The following CRNKL1 variants were observed in gnomAD, a reference collection of about 807,000 sequenced individuals.
The protein encoded by CRNKL1 is crooked neck-like protein 1.
Under a neutral mutation model 103.7 loss-of-function variants are expected in CRNKL1, and 35 were observed. The ratio of observed to expected loss-of-function variants is 0.34; its 90% CI spans 0.26 to 0.45. The LOEUF is 0.45. Ranked by LOEUF, CRNKL1 falls within the 20% of genes least tolerant of loss-of-function variation. The pLI, the probability that CRNKL1 is intolerant of heterozygous loss-of-function variation, is 1.00. For missense variants in CRNKL1, 645 were observed against 836.0 expected, an observed-to-expected ratio of 0.77 and a Z score of 2.82; for synonymous variants, 267 against 282.6, an observed-to-expected ratio of 0.94 and a Z score of 0.55.
chr20:20,040,999 CT>C (rs2043503750), intron 9 of CRNKL1, among the ~76,000 whole-genome samples: 6 of 152,222 alleles, frequency 3.9e-5, no homozygotes, highest in Non-Finnish European at 7.3e-5. Flanking sequence ...ATGGTAACCT[CT>C]CCTGAGAACC....
At chr20:20,052,238 GAGGGATGCCCCTTTCCTAGGCCACCT>G in intron 1 of CRNKL1, 28 bp downstream of exon 1, 1 of 1,491,444 alleles carries the variant, frequency 6.7e-7, no homozygotes, top group Non-Finnish European at 9.1e-7. Context: ...CCTCAGGGCT[GAGGGATGCCCCTTTCCTAGGCCACCT>G]CCTACAAGGC....
At position 20,050,662 on chromosome 20, in the gene CRNKL1, C is replaced by G. The variant is rs769024175; in HGVS notation, c.52-40G>C. ...GACATTTCTATTTTTAGTAGTTGCT[C>G]TTCACACAAGGCTTAAGAAACAAAC... On this transcript the variant is annotated intron_variant, in intron 1 of 13. Coordinates refer to ENST00000536226, the MANE Select transcript of CRNKL1 (RefSeq NM_001278628.2). 3 of 1,562,458 alleles carry G rather than the reference C, an allele frequency of 1.9e-6. No individual in the cohort carries two copies. In the East Asian group the frequency reaches 6.8e-5, roughly 35 times the overall value.
chr20:20,042,502 A>G lies in CRNKL1; in HGVS notation c.987T>C (p.Asn329=). The G allele has an allele frequency of 6.2e-7, 1 of 1,607,682 alleles. No individual in the cohort carries two copies. The highest frequency in any genetic ancestry group is 8.5e-7 in the Non-Finnish European group (1 of 1,177,264). The change falls in exon 8 of 14, where the codon AAT becomes AAC. Residue 329 remains asparagine (N), a synonymous_variant. Transcript: ENST00000536226. ...GCAAGTAATCAAACCATGCATCATAATTGTGTGGATTCGCCTAGAAAGACA... is the reference window on the plus strand; with the variant it reads ...GCAAGTAATCAAACCATGCATCATAGTTGTGTGGATTCGCCTAGAAAGACA... ...YEEEVKANPH[N]YDAWFDYLRL...
upstream of CRNKL1, chr20:20,056,003 T>C: frequency 6.2e-7 from 1 of 1,608,958 alleles, no homozygotes; most frequent in Non-Finnish European, 8.5e-7. Context: ...GGTTCTCCAC[T>C]GTTGCCGTCA....
chr20:20,038,512 AG>A, intron 11 of CRNKL1, 62 bp from the exon 12 acceptor site: 8 of 912,172 alleles, frequency 8.8e-6, no homozygotes, highest in Non-Finnish European at 1.4e-5. Context: ...CCCCATCCAA[AG>A]CACAGCTGAA....
chr20:20,049,518 T>C (rs899783245), intron 2 of CRNKL1, 87 bp from the exon 3 acceptor site: 1 of 671,880 alleles, frequency 1.5e-6, no homozygotes, highest in Non-Finnish European at 2.6e-6. Context: ...TGTACTAAAA[T>C]GGTTATTCAT....
At chr20:20,055,824 G>T, upstream of CRNKL1, 1 of 708,472 alleles carries the variant, frequency 1.4e-6, no homozygotes, top group Non-Finnish European at 2.4e-6. Context: ...CCTGTTTTGA[G>T]CTCACTGGCT....
intron 5 of CRNKL1, among the ~76,000 whole-genome samples, chr20:20,046,216 T>C (rs906552888): frequency 5.3e-5 from 8 of 152,220 alleles, no homozygotes; most frequent in Non-Finnish European, 8.8e-5. Context: ...CCAGTCAAGC[T>C]ACTTAATCTC....
At chr20:20,054,134 C>T (rs967678221), upstream of CRNKL1, among the ~76,000 whole-genome samples, 11 of 150,390 alleles carry the variant, frequency 7.3e-5, no homozygotes, top group African/African-American at 2.0e-4. Flanking sequence ...TCTTGTATTC[C>T]ACTTCTTTCT....
intron 11 of CRNKL1, chr20:20,038,672 C>T (rs2043462103): frequency 2.5e-6 from 1 of 394,404 alleles, no homozygotes; most frequent in Non-Finnish European, 4.5e-6. Context: ...TGGATTCAGT[C>T]TTAGAGATTC....
At position 20,043,475 on chromosome 20, in the gene CRNKL1, T is replaced by C. The variant is rs899935810; in HGVS notation, c.972+17A>G. 1.2e-6 allele frequency: 2 copies of C among 1,609,488 alleles called. No homozygotes were observed. Among genetic ancestry groups the C allele is most frequent in the Non-Finnish European group, 1.7e-6 (2 of 1,176,150 alleles). On this transcript the variant is annotated intron_variant, in intron 7 of 13. Coordinates refer to ENST00000536226, the MANE Select transcript of CRNKL1 (RefSeq NM_001278628.2). Reference sequence around the variant, plus strand: ...CTTGGGTTATCTGCAGAGTTGACCATCCACACCAGTGCTCACCTTCACTTC... The same window carrying C: ...CTTGGGTTATCTGCAGAGTTGACCACCCACACCAGTGCTCACCTTCACTTC...
At chr20:20,041,721 C>T (rs1304561675) in intron 8 of CRNKL1, 96 bp from the exon 9 acceptor site, 1 of 878,904 alleles carries the variant, frequency 1.1e-6, no homozygotes, top group Non-Finnish European at 1.9e-6. Flanking sequence ...TAAAAATGTA[C>T]ACCCCCAAAA....
chr20:20,039,577 A>C (rs774890940), intron 11 of CRNKL1, 32 bp downstream of exon 11: 9 of 1,611,090 alleles, frequency 5.6e-6, no homozygotes, highest in Non-Finnish European at 7.6e-6. Context: ...CACGTATCTC[A>C]AACAAAATTA....
At chr20:20,052,723 C>A, upstream of CRNKL1, 1 of 1,602,922 alleles carries the variant, frequency 6.2e-7, no homozygotes, top group South Asian at 1.1e-5. Flanking sequence ...CCGTGGCGCC[C>A]TGCAAGGGAG....
intron 8 of CRNKL1, among the ~76,000 whole-genome samples, chr20:20,041,998 T>G (rs1423881868): frequency 1.3e-5 from 2 of 152,190 alleles, no homozygotes; most frequent in African/African-American, 4.8e-5. Flanking sequence ...CCAGAATTAC[T>G]CCTATTAATG....
At chr20:20,037,914 T>C (rs1568756280) in intron 12 of CRNKL1, among the ~76,000 whole-genome samples, 3 of 151,988 alleles carry the variant, frequency 2.0e-5, no homozygotes, top group African/African-American at 7.3e-5. Context: ...GGTGAAACCC[T>C]GTCTCTATTA....
At position 20,037,547 on chromosome 20, in the gene CRNKL1, C is replaced by G. The variant is rs1438069722; in HGVS notation, c.1672G>C (p.Glu558Gln). The change falls in exon 13 of 14, where the codon GAG becomes CAG. Residue 558 changes from glutamate (E) to glutamine (Q), a missense_variant. Coordinates refer to ENST00000536226, the MANE Select transcript of CRNKL1 (RefSeq NM_001278628.2). ...VKVWISFAQF[E>Q]LSSGKEGSLT... is the part of the protein sequence containing the mutation. The stretch of plus-strand genomic sequence containing the variant: ...CTTCCTTCTTTTCCTGAAGACAACT[C>G]AAACTGAGCAAAGCTGATCCATACC... 6.2e-7 allele frequency: 1 copy of G among 1,613,890 alleles called. No individual in the cohort carries two copies. The highest frequency in any genetic ancestry group is 8.5e-7 in the Non-Finnish European group (1 of 1,180,008).
chr20:20,051,738 T>C (rs556925133), intron 1 of CRNKL1, among the ~76,000 whole-genome samples: 1 of 152,214 alleles, frequency 6.6e-6, no homozygotes, highest in South Asian at 2.1e-4. Flanking sequence ...AAATACCAGA[T>C]AGTAAGTCTA....
intron 3 of CRNKL1, among the ~76,000 whole-genome samples, chr20:20,049,097 G>A (rs1443001475): frequency 6.7e-6 from 1 of 150,230 alleles, no homozygotes; most frequent in Non-Finnish European, 1.5e-5. Flanking sequence ...ATGAAATTGT[G>A]CTTCTTTAGC....
Sources: allele counts gnomAD v4.1 joint callset (sites outside exome capture counted in the v4.1 genomes callset), GRCh38; gene constraint gnomAD v4.1.1; transcripts MANE v1.5; gene names NCBI Gene and HGNC (gene_info 2026-07-23, HGNC 2026-07-21).